The following KCTD20 variants were observed in gnomAD, a reference collection of about 807,000 sequenced individuals.
The protein encoded by KCTD20 is potassium channel tetramerization domain containing 20.
A neutral mutation model predicts 39.6 loss-of-function variants in KCTD20; 30 were observed. The observed-to-expected ratio is 0.76, with a 90% confidence interval of 0.57 to 1.03. KCTD20 has a LOEUF of 1.03. Among genes scored for constraint, KCTD20 ranks in the 50% least tolerant of loss-of-function variants. The pLI is 0.00. For missense variants in KCTD20, 422 were observed against 522.0 expected (o/e 0.81, Z 1.87); for synonymous variants, 162 against 180.6 (o/e 0.90, Z 0.83).
In KCTD20 at chr6:36,491,092, C is replaced by T. The variant is rs986039704; in HGVS notation, c.*3917C>T. ...GCACTTGTTCACCTACCAGTGTTTA[C>T]GAAATCCTGTATTTGGGATGCTTTT... On this transcript the variant is annotated 3_prime_UTR_variant, in exon 8 of 8. Transcript: ENST00000373731. 1.3e-5 allele frequency: 2 copies of T among 151,754 alleles called. No individual in the cohort carries two copies. Among genetic ancestry groups the T allele is most frequent in the Non-Finnish European group, 2.9e-5 (2 of 67,994 alleles). 9.4% of individuals were successfully genotyped at this position (151,754 alleles called of 1,614,324 possible). A position where few individuals can be genotyped will look rare whatever the true frequency, so the allele number is the denominator to read the frequency against.
chr6:36,487,192 A>T lies in KCTD20; in HGVS notation c.*17A>T. 1.3e-6 allele frequency: 2 copies of T among 1,597,914 alleles called. No homozygotes were observed. Among genetic ancestry groups the T allele is most frequent in the Non-Finnish European group, 1.7e-6 (2 of 1,170,972 alleles). On this transcript the variant is annotated 3_prime_UTR_variant, in exon 8 of 8. Transcript: ENST00000373731. ...CAGGATTAGGGCCAGCTGTGGGTCT[A>T]CTCCTTGTTGGAGCCCATCTCACCT...
At chr6:36,447,496 G>A (rs1184505429) in intron 1 of KCTD20, among the ~76,000 whole-genome samples, 1 of 152,012 alleles carries the variant, frequency 6.6e-6, no homozygotes, top group Non-Finnish European at 1.5e-5. Flanking sequence ...TGGGCATGTT[G>A]GCATGCGACT....
intron 2 of KCTD20, among the ~76,000 whole-genome samples, chr6:36,474,207 G>A (rs1050629023): frequency 2.7e-5 from 4 of 149,640 alleles, no homozygotes; most frequent in African/African-American, 7.4e-5. Context: ...TATATCTCCC[G>A]ATGCTATCCC....
chr6:36,465,560 A>G (rs1308631873), intron 1 of KCTD20: 1 of 152,114 alleles, frequency 6.6e-6, no homozygotes, highest in Non-Finnish European at 1.5e-5. Flanking sequence ...TTCATACTCA[A>G]GATGATTGTT....
chr6:36,462,643 T>C (rs974166737), intron 1 of KCTD20, among the ~76,000 whole-genome samples: 1 of 152,150 alleles, frequency 6.6e-6, no homozygotes, highest in African/African-American at 2.4e-5. Context: ...ATCACTGAGG[T>C]CTCTTCTGAT....
chr6:36,460,379 G>C (rs1775566495), intron 1 of KCTD20, among the ~76,000 whole-genome samples: 1 of 152,048 alleles, frequency 6.6e-6, no homozygotes, highest in South Asian at 2.1e-4. Flanking sequence ...TCTCAGCTCA[G>C]TGCAACCTCC....
chr6:36,462,273 T>C (rs996316583), intron 1 of KCTD20, among the ~76,000 whole-genome samples: 2 of 152,186 alleles, frequency 1.3e-5, no homozygotes, highest in African/African-American at 4.8e-5. Context: ...ATACAAATGT[T>C]TTTAAATGTT....
At chr6:36,483,269 T>C (rs944333561) in intron 6 of KCTD20, among the ~76,000 whole-genome samples, 104 of 146,864 alleles carry the variant, frequency 7.1e-4, no homozygotes, top group Non-Finnish European at 4.5e-4. Flanking sequence ...TTTTCTTTTT[T>C]TTTTTTTTTT....
At chr6:36,449,478 T>C (rs1775169586) in intron 1 of KCTD20, among the ~76,000 whole-genome samples, 1 of 151,980 alleles carries the variant, frequency 6.6e-6, no homozygotes, top group African/African-American at 2.4e-5. Context: ...AGAGTGCTGA[T>C]TGGTGTGTTT....
intron 3 of KCTD20, among the ~76,000 whole-genome samples, chr6:36,478,101 A>AAAAAAAAAAAAAAAAG (rs112536319): frequency 1.4e-5 from 2 of 145,702 alleles, no homozygotes; most frequent in African/African-American, 5.2e-5. Context: ...TCTCAAAAAA[A>AAAAAAAAAAAAAAAAG]AAAAGAAAAG....
At chr6:36,466,149 G>A (rs186830711) in intron 1 of KCTD20, among the ~76,000 whole-genome samples, 399 of 149,694 alleles carry the variant, frequency 2.7e-3, no homozygotes, top group African/African-American at 9.2e-3. Context: ...TGCAATCTCC[G>A]CCTCCTGGGT....
chr6:36,478,968 T>TC (rs1222036321), intron 3 of KCTD20, among the ~76,000 whole-genome samples, 153 bp from the exon 4 acceptor site: 1 of 152,010 alleles, frequency 6.6e-6, no homozygotes, highest in Non-Finnish European at 1.5e-5. Flanking sequence ...AGACTTGAGG[T>TC]GTCTTGTAGG....
At chr6:36,484,937 C>T (rs983623589) in intron 7 of KCTD20, 113 bp downstream of exon 7, 6 of 621,232 alleles carry the variant, frequency 9.7e-6, no homozygotes, top group Non-Finnish European at 1.8e-5. Flanking sequence ...ATGAAAACCA[C>T]ATTCTTACTC....
At chr6:36,483,818 C>T (rs1418462012) in intron 6 of KCTD20, among the ~76,000 whole-genome samples, 1 of 152,000 alleles carries the variant, frequency 6.6e-6, no homozygotes, top group East Asian at 1.9e-4. Flanking sequence ...TGTGCCTGGC[C>T]CCAAAACAGT....
Position 36,475,039 on chromosome 6 carries a change from T to C in KCTD20, c.411T>C (p.Ala137=). The C allele has an allele frequency of 1.2e-6, 2 of 1,614,168 alleles. No individual in the cohort carries two copies. Among genetic ancestry groups the C allele is most frequent in the Non-Finnish European group, 1.7e-6 (2 of 1,179,996 alleles). The change falls in exon 3 of 8, where the codon GCT becomes GCC. Residue 137 remains alanine (A), a synonymous_variant. Transcript: ENST00000373731. ...RFVVNPQIFT[A]HPDTMLGRMF... ...TTGTGAATCCACAGATTTTCACTGC[T>C]CATCCGGATACCATGCTGGGAAGGT... is the stretch of plus-strand genomic sequence containing the variant.
At chr6:36,483,877 C>A (rs566013358) in intron 6 of KCTD20, among the ~76,000 whole-genome samples, 4 of 151,318 alleles carry the variant, frequency 2.6e-5, no homozygotes, top group South Asian at 2.1e-4. Context: ...TAAAAAAAAA[C>A]GGCAGAATCT....
rs751643245 is a variant in KCTD20 at position 36,469,654 on chromosome 6, T to C, written c.-46-398T>C. ...TCCTGGTGCTTAATTGTTGCAACAG[T>C]GTATGTGTCAATTTTAAAAAAACAT... On this transcript the variant is annotated intron_variant, in intron 1 of 7. Transcript: ENST00000373731. This position sits in a 1 kb window ranked among gnomAD's most constrained non-coding sequence, Gnocchi z 4.6. Among the ~76,000 whole-genome samples the C allele has an allele frequency of 2.6e-5, 4 of 152,160 alleles. No homozygotes were observed. The highest frequency in any genetic ancestry group is 9.7e-5 in the African/African-American group (4 of 41,430).
chr6:36,443,557 C>T (rs1774941435), intron 1 of KCTD20: 1 of 152,160 alleles, frequency 6.6e-6, no homozygotes, highest in Non-Finnish European at 1.5e-5. Context: ...TCCTCCTGAA[C>T]TCTGGAGCCG....
At chr6:36,485,327 AGAT>A (rs2127457978) in intron 7 of KCTD20, among the ~76,000 whole-genome samples, 1 of 152,144 alleles carries the variant, frequency 6.6e-6, no homozygotes, top group Admixed American at 6.5e-5. Flanking sequence ...AAAAAAAAAA[AGAT>A]TATTCCATAC....
Sources: gnomAD v4.1 joint callset for allele counts (sites outside exome capture counted in the v4.1 genomes callset) on GRCh38, gnomAD v4.1.1 for gene constraint, Gnocchi (gnomAD v3.1) non-coding constraint, MANE v1.5 for transcripts, NCBI Gene and HGNC (gene_info 2026-07-23, HGNC 2026-07-21) for gene names.